The following DGKB variants were observed in gnomAD, a reference collection of about 807,000 sequenced individuals.
The protein encoded by DGKB is diacylglycerol kinase beta.
Under a neutral mutation model 114.3 loss-of-function variants are expected in DGKB, and 67 were observed. The ratio of observed to expected loss-of-function variants is 0.59; its 90% CI spans 0.48 to 0.72. The LOEUF (loss-of-function observed/expected upper bound fraction) is 0.72, where lower values mean the gene tolerates loss of function less well. Among genes scored for constraint, DGKB ranks in the 30% least tolerant of loss-of-function variants. The probability of loss-of-function intolerance (pLI) is 0.00; values close to 1 mark genes in which losing one functional copy is unlikely to be tolerated. For synonymous variants in DGKB, 398 were observed against 323.1 expected (o/e 1.23, Z -2.49); for missense variants, 907 against 975.2 (o/e 0.93, Z 0.93).
intron 20 of DGKB, among the ~76,000 whole-genome samples, chr7:14,547,767 T>C (rs947041946): frequency 6.6e-6 from 1 of 152,166 alleles, no homozygotes; most frequent in Non-Finnish European, 1.5e-5. Context: ...CAGGTAAGAT[T>C]AAATTAGCTA....
chr7:14,155,357 G>T (rs1390951743), intron 25 of DGKB, among the ~76,000 whole-genome samples: 1 of 152,082 alleles, frequency 6.6e-6, no homozygotes, highest in Non-Finnish European at 1.5e-5. Context: ...TAACTGAGGT[G>T]CTTGTAGTAT....
At chr7:14,234,200 A>C (rs112882680) in intron 23 of DGKB, among the ~76,000 whole-genome samples, 6 of 152,086 alleles carry the variant, frequency 3.9e-5, no homozygotes, top group African/African-American at 1.4e-4. Context: ...AAGATAAAAG[A>C]ATCCTCTCCT....
At chr7:14,732,741 C>A (rs766809142) in intron 5 of DGKB, among the ~76,000 whole-genome samples, 21 of 152,092 alleles carry the variant, frequency 1.4e-4, no homozygotes, top group Non-Finnish European at 2.8e-4. Flanking sequence ...AATTCAAGTA[C>A]AATCTGTTTT....
intron 24 of DGKB, among the ~76,000 whole-genome samples, chr7:14,177,607 A>T (rs1207239706): frequency 1.3e-5 from 2 of 150,896 alleles, no homozygotes; most frequent in Non-Finnish European, 3.0e-5. Flanking sequence ...GGCAAAAAAA[A>T]TGCTTGAAAA....
chr7:14,615,447 T>C (rs953951135), intron 15 of DGKB, among the ~76,000 whole-genome samples: 8 of 151,886 alleles, frequency 5.3e-5, no homozygotes, highest in Non-Finnish European at 4.4e-5. Context: ...ATTAAAATTG[T>C]ATTTTAAGTT....
At chr7:14,322,823 A>G (rs938551803) in intron 23 of DGKB, among the ~76,000 whole-genome samples, 13 of 152,292 alleles carry the variant, frequency 8.5e-5, no homozygotes, top group African/African-American at 2.6e-4. Flanking sequence ...GTCACATAAA[A>G]TGATGTTTCA....
At chr7:14,441,844 T>C (rs572974637) in intron 21 of DGKB, among the ~76,000 whole-genome samples, 2 of 152,068 alleles carry the variant, frequency 1.3e-5, no homozygotes, top group Non-Finnish European at 2.9e-5. Context: ...ATGTTCTCCT[T>C]TGATAGATTT....
At chr7:14,506,376 T>C (rs1407642360) in intron 20 of DGKB, among the ~76,000 whole-genome samples, 1 of 152,164 alleles carries the variant, frequency 6.6e-6, no homozygotes, top group East Asian at 1.9e-4. Context: ...AATCATGTTT[T>C]AAACTTCTTA....
At chr7:14,742,372 A>G (rs2128414475) in intron 4 of DGKB, among the ~76,000 whole-genome samples, 1 of 152,364 alleles carries the variant, frequency 6.6e-6, no homozygotes, top group Non-Finnish European at 1.5e-5. Flanking sequence ...GCCTAAAGAA[A>G]AATAAGCATT....
chr7:14,406,616 G>T (rs1823975470), intron 21 of DGKB, among the ~76,000 whole-genome samples: 2 of 151,890 alleles, frequency 1.3e-5, no homozygotes, highest in Non-Finnish European at 2.9e-5. Flanking sequence ...AAAAAAACAT[G>T]CTCTTAGGTT....
intron 23 of DGKB, among the ~76,000 whole-genome samples, chr7:14,241,799 T>G (rs1463714547): frequency 1.3e-5 from 2 of 151,940 alleles, no homozygotes; most frequent in East Asian, 1.9e-4. Flanking sequence ...AAAAACAGTT[T>G]TACTAACATT....
chr7:14,802,872 T>C (rs187756749), intron 2 of DGKB, among the ~76,000 whole-genome samples: 8 of 152,166 alleles, frequency 5.3e-5, no homozygotes, highest in East Asian at 1.9e-4. Flanking sequence ...TATGTTCACA[T>C]AGAGAATGCT....
chr7:14,400,906 T>C (rs1464647910), intron 21 of DGKB, among the ~76,000 whole-genome samples: 1 of 151,398 alleles, frequency 6.6e-6, no homozygotes, highest in African/African-American at 2.4e-5. Context: ...CAGTGGGGGG[T>C]CCAGAGATTT....
chr7:14,365,664 C>A (rs891648945), intron 21 of DGKB, among the ~76,000 whole-genome samples: 1 of 152,004 alleles, frequency 6.6e-6, no homozygotes, highest in South Asian at 2.1e-4. Context: ...TTGAACCAAC[C>A]TAAGTTCTAT....
intron 1 of DGKB, among the ~76,000 whole-genome samples, chr7:14,877,516 T>C (rs183915425): frequency 1.1e-4 from 17 of 152,204 alleles, no homozygotes; most frequent in Admixed American, 6.5e-4. Context: ...GATAGCGCCA[T>C]TGCACTCCAG....
At chr7:14,385,544 G>A (rs1820194420) in intron 21 of DGKB, among the ~76,000 whole-genome samples, 2 of 152,170 alleles carry the variant, frequency 1.3e-5, no homozygotes, top group Admixed American at 1.3e-4. Flanking sequence ...AATGAATTTG[G>A]AGATTACTAC....
intron 23 of DGKB, among the ~76,000 whole-genome samples, chr7:14,305,711 A>G (rs753762192): frequency 1.3e-4 from 20 of 152,086 alleles, no homozygotes; most frequent in Non-Finnish European, 2.8e-4. Context: ...GTGTAATTTC[A>G]AGGCCTTGAT....
chr7:14,253,037 C>G (rs1409656476), intron 23 of DGKB, among the ~76,000 whole-genome samples: 1 of 150,316 alleles, frequency 6.7e-6, no homozygotes, highest in African/African-American at 2.5e-5. Flanking sequence ...TGTTTAAATT[C>G]ATTTTTTTTT....
chr7:14,188,809 G>A (rs1343722150), intron 23 of DGKB, among the ~76,000 whole-genome samples: 1 of 151,860 alleles, frequency 6.6e-6, no homozygotes. Context: ...TCTCTTATAA[G>A]GGAATCTGCA....
Sources: gnomAD v4.1 joint callset for allele counts (sites outside exome capture counted in the v4.1 genomes callset) on GRCh38, gnomAD v4.1.1 for gene constraint, MANE v1.5 for transcripts, NCBI Gene and HGNC (gene_info 2026-07-23, HGNC 2026-07-21) for gene names.